Variants in CERS6 observed in about 807,000 individuals in gnomAD.
CERS6 encodes the protein LAG1 homolog, ceramide synthase 6.
A neutral mutation model predicts 56.8 loss-of-function variants in CERS6; 26 were observed. That is an observed-to-expected ratio of 0.46 (90% CI 0.34 to 0.63). CERS6 has a LOEUF of 0.63. Ranked by LOEUF, CERS6 falls within the 30% of genes least tolerant of loss-of-function variation. CERS6 has a pLI of 0.01. For missense variants in CERS6, 415 were observed against 467.5 expected (o/e 0.89, Z 1.04); for synonymous variants, 164 against 173.3 (o/e 0.95, Z 0.42).
intron 2 of CERS6, among the ~76,000 whole-genome samples, chr2:168,556,855 G>A (rs1422174890): frequency 1.3e-5 from 2 of 151,846 alleles, no homozygotes; most frequent in African/African-American, 4.8e-5. Flanking sequence ...CAAACAATAA[G>A]CATTAAAAGA....
intron 8 of CERS6, among the ~76,000 whole-genome samples, chr2:168,719,958 CAG>C (rs1031021936): frequency 1.5e-4 from 23 of 148,760 alleles, no homozygotes; most frequent in African/African-American, 4.2e-4. Flanking sequence ...TTTTTTAAGA[CAG>C]AGTCTTTCCC....
rs1463461053 is a variant in CERS6 at position 168,456,313 on chromosome 2, G to A, written c.-136G>A. 1 of 317,824 alleles carries A rather than the reference G, an allele frequency of 3.1e-6. No homozygotes were observed. Among genetic ancestry groups the A allele is most frequent in the Non-Finnish European group, 4.9e-6 (1 of 205,650 alleles). The allele number at this position is 317,824 out of a possible 1,614,324, so 19.7% of individuals were successfully genotyped here. A position where few individuals can be genotyped will look rare whatever the true frequency, so the allele number is the denominator to read the frequency against. On this transcript the variant is annotated 5_prime_UTR_variant, in exon 1 of 10. Transcript: ENST00000305747. The surrounding 1 kb of genome is among the most constrained non-coding windows in gnomAD (Gnocchi z 4.1). ...CTTCGAGAGCAGCGGCCGCGGAGGA[G>A]GCGGCGGCGGCGGGCGGGAGCAGCG...
intron 1 of CERS6, among the ~76,000 whole-genome samples, chr2:168,493,359 C>A (rs1443545576): frequency 6.6e-6 from 1 of 152,080 alleles, no homozygotes; most frequent in East Asian, 1.9e-4. Context: ...TCTTCTGCCT[C>A]CTGTCTACTC....
chr2:168,624,136 T>C (rs534787834), intron 3 of CERS6, among the ~76,000 whole-genome samples: 22 of 152,290 alleles, frequency 1.4e-4, no homozygotes, highest in African/African-American at 5.3e-4. Context: ...TCTGCTAGTA[T>C]ACATTCATGA....
At chr2:168,760,725 G>A (rs2105458506) in intron 8 of CERS6, among the ~76,000 whole-genome samples, 1 of 150,112 alleles carries the variant, frequency 6.7e-6, no homozygotes, top group South Asian at 2.1e-4. Context: ...GCTCTTTCCT[G>A]GGTTTACTGT....
intron 4 of CERS6, among the ~76,000 whole-genome samples, chr2:168,687,778 T>G (rs984426758): frequency 3.3e-5 from 5 of 152,188 alleles, no homozygotes; most frequent in Non-Finnish European, 7.3e-5. Context: ...CATGGCTTAT[T>G]GCAGCCTTGG....
chr2:168,694,601 T>C (rs903246710), intron 5 of CERS6, among the ~76,000 whole-genome samples: 15 of 152,320 alleles, frequency 9.8e-5, no homozygotes, highest in African/African-American at 3.1e-4. Flanking sequence ...CTTGCAGCAG[T>C]TGTCCAGGGT....
intron 4 of CERS6, among the ~76,000 whole-genome samples, chr2:168,631,759 A>G (rs1684745192): frequency 1.6e-5 from 2 of 124,070 alleles, no homozygotes; most frequent in East Asian, 2.2e-4. Flanking sequence ...ATATTTTCAT[A>G]TTGTATATAA....
chr2:168,701,572 G>A (rs781203171), intron 6 of CERS6, among the ~76,000 whole-genome samples: 3 of 152,180 alleles, frequency 2.0e-5, no homozygotes, highest in Non-Finnish European at 2.9e-5. Flanking sequence ...AAAAATGTCA[G>A]TTTCACCTGA....
intron 4 of CERS6, among the ~76,000 whole-genome samples, chr2:168,656,321 T>C (rs1034414233): frequency 1.3e-5 from 2 of 152,232 alleles, no homozygotes; most frequent in African/African-American, 4.8e-5. Context: ...AGCTTTTAAC[T>C]GATGTGGTAT....
At chr2:168,637,251 G>A (rs946598004) in intron 4 of CERS6, among the ~76,000 whole-genome samples, 6 of 152,162 alleles carry the variant, frequency 3.9e-5, no homozygotes, top group South Asian at 2.1e-4. Flanking sequence ...GCTGAAGCGC[G>A]TGGATCACGA....
chr2:168,675,550 C>T (rs1426081810), intron 4 of CERS6, among the ~76,000 whole-genome samples: 1 of 152,112 alleles, frequency 6.6e-6, no homozygotes, highest in Non-Finnish European at 1.5e-5. Flanking sequence ...CATGCCACTG[C>T]ATTGCAGCCT....
At chr2:168,629,410 G>A (rs988056046) in intron 3 of CERS6, among the ~76,000 whole-genome samples, 1 of 152,124 alleles carries the variant, frequency 6.6e-6, no homozygotes, top group Non-Finnish European at 1.5e-5. Flanking sequence ...AGGGACTAGA[G>A]AGAAGTAGAG....
rs548277154 is a variant in CERS6 at position 168,612,033 on chromosome 2, T to C, written c.408-18952T>C. Among the ~76,000 whole-genome samples the C allele has an allele frequency of 8.5e-5, 13 of 152,328 alleles. 1 individual carries two copies. Among genetic ancestry groups the C allele is most frequent in the Non-Finnish European group, 1.9e-4 (13 of 68,034 alleles). On this transcript the variant is annotated intron_variant, in intron 3 of 9. Coordinates refer to ENST00000305747, the MANE Select transcript of CERS6 (RefSeq NM_203463.3). Reference sequence around the variant, plus strand: ...ACGTCATAAGCCAGCTATATAAAAATAGTAATGATAGTTAAGAGTTATGGA... The same window carrying C: ...ACGTCATAAGCCAGCTATATAAAAACAGTAATGATAGTTAAGAGTTATGGA...
At chr2:168,634,815 G>A (rs1684827013) in intron 4 of CERS6, among the ~76,000 whole-genome samples, 1 of 152,082 alleles carries the variant, frequency 6.6e-6, no homozygotes, top group African/African-American at 2.4e-5. Context: ...ATCAGTCAGG[G>A]GTCCATAGGA....
chr2:168,687,567 A>G (rs752745351), intron 4 of CERS6, among the ~76,000 whole-genome samples: 5 of 152,160 alleles, frequency 3.3e-5, no homozygotes, highest in Non-Finnish European at 7.3e-5. Flanking sequence ...TGCTGGTGAC[A>G]TTATCTTGAT....
chr2:168,690,980 A>G (rs182414109), intron 4 of CERS6, 54 bp from the exon 5 acceptor site: 36 of 1,509,142 alleles, frequency 2.4e-5, no homozygotes, highest in Middle Eastern at 3.4e-4. Flanking sequence ...AACCTTTTTT[A>G]TCCTCTTATC....
At chr2:168,644,249 A>G (rs1202750741) in intron 4 of CERS6, 1 of 959,096 alleles carries the variant, frequency 1.0e-6, no homozygotes, top group African/African-American at 1.8e-5. Flanking sequence ...TGAACTGAGC[A>G]TGTGACTGAG....
chr2:168,479,835 C>T (rs1694146967), intron 1 of CERS6, among the ~76,000 whole-genome samples: 2 of 152,158 alleles, frequency 1.3e-5, no homozygotes, highest in East Asian at 1.9e-4. Context: ...CTCGAACTTC[C>T]GACCTAAGGT....
Sources: gnomAD v4.1 joint callset for allele counts (sites outside exome capture counted in the v4.1 genomes callset) on GRCh38, gnomAD v4.1.1 for gene constraint, Gnocchi (gnomAD v3.1) non-coding constraint, MANE v1.5 for transcripts, NCBI Gene and HGNC (gene_info 2026-07-23, HGNC 2026-07-21) for gene names.